The following FBLN1 variants were observed in gnomAD, a reference collection of about 807,000 sequenced individuals.
FBLN1 encodes the protein fibulin-1.
A neutral mutation model predicts 89.7 loss-of-function variants in FBLN1; 34 were observed. The observed-to-expected ratio is 0.38, with a 90% CI of 0.29 to 0.50. The LOEUF is 0.50. Among genes scored for constraint, FBLN1 ranks in the 20% least tolerant of loss-of-function variants. The pLI, the probability that FBLN1 is intolerant of heterozygous loss-of-function variation, is 0.92. For missense variants in FBLN1, 777 were observed against 988.1 expected (o/e 0.79, Z 2.86); for synonymous variants, 393 against 391.3 (o/e 1.00, Z -0.05).
At position 45,590,910 on chromosome 22, in the gene FBLN1, T is replaced by TG. The variant is rs1485498058; in HGVS notation, c.1973-9395dup. On this transcript the variant is annotated intron_variant, in intron 16 of 16. Coordinates refer to ENST00000327858, the MANE Select transcript of FBLN1 (RefSeq NM_006486.3). This position sits in a 1 kb window ranked among gnomAD's most constrained non-coding sequence, Gnocchi z 4.1. The stretch of plus-strand genomic sequence containing the variant: ...ATCTGGGAGGGGCGTCTGGAGAAAT[T>TG]GGAGTGGACTCCGAGTTTGGGTCGG... Among the ~76,000 whole-genome samples, 1 of 152,084 alleles carries TG rather than the reference T, an allele frequency of 6.6e-6. No individual in the cohort carries two copies. The highest frequency in any genetic ancestry group is 1.9e-4 in the East Asian group (1 of 5,148).
rs1199335190 is a variant in FBLN1, at chr22:45,583,740, G to C, written c.1972+6632G>C. Among the ~76,000 whole-genome samples, 1 of 152,132 alleles carries C rather than the reference G, an allele frequency of 6.6e-6. No individual in the cohort carries two copies. Among genetic ancestry groups the C allele is most frequent in the African/African-American group, 2.4e-5 (1 of 41,424 alleles). On this transcript the variant is annotated intron_variant, in intron 16 of 16. Transcript: ENST00000327858. The surrounding 1 kb of genome is among the most constrained non-coding windows in gnomAD (Gnocchi z 4.5). ...GTTACTCACAGGTCCTAGAGAGGTG[G>C]GGAGCACCCCTTGCAGGGCCAATGG...
chr22:45,542,770 C>G (rs1473205085), intron 10 of FBLN1, among the ~76,000 whole-genome samples: 3 of 152,200 alleles, frequency 2.0e-5, no homozygotes. Context: ...ACCACTCCCC[C>G]AAAGTGGGCA....
chr22:45,513,007 T>C (rs930522187), intron 1 of FBLN1, among the ~76,000 whole-genome samples: 2 of 152,230 alleles, frequency 1.3e-5, no homozygotes, highest in Admixed American at 6.5e-5. Context: ...CTGAACATTT[T>C]AAGTCTCATT....
chr22:45,513,493 C>T (rs766144552), intron 1 of FBLN1, among the ~76,000 whole-genome samples: 9 of 151,922 alleles, frequency 5.9e-5, no homozygotes, highest in African/African-American at 1.2e-4. Flanking sequence ...GGATTACAGG[C>T]GTGAGCCACT....
chr22:45,584,160 C>T (rs1302342231), intron 16 of FBLN1, among the ~76,000 whole-genome samples: 1 of 152,160 alleles, frequency 6.6e-6, no homozygotes, highest in Non-Finnish European at 1.5e-5. Flanking sequence ...AACGCACATT[C>T]AGAATGCGTG....
chr22:45,539,555 T>C (rs537451694), intron 8 of FBLN1, among the ~76,000 whole-genome samples: 220 of 152,234 alleles, frequency 1.4e-3, no homozygotes, highest in African/African-American at 5.0e-3. Flanking sequence ...CCACGTGCCC[T>C]GGCTGACCTT....
At position 45,550,397 on chromosome 22, in the gene FBLN1, C is replaced by A; in HGVS notation, c.1574-95C>A. 1 of 1,583,704 alleles carries A rather than the reference C, an allele frequency of 6.3e-7. No homozygotes were observed. The highest frequency in any genetic ancestry group is 1.1e-5 in the South Asian group (1 of 90,130). On this transcript the variant is annotated intron_variant, in intron 13 of 16. Transcript: ENST00000327858. This position sits in a 1 kb window ranked among gnomAD's most constrained non-coding sequence, Gnocchi z 8.4. ...GGGATGGCCTGATCGCCACCCCTAA[C>A]CCTAGTTGATGGGAGGCCTGGGCTC...
At chr22:45,535,380 G>C in intron 8 of FBLN1, 43 bp downstream of exon 8, 1 of 1,612,272 alleles carries the variant, frequency 6.2e-7, no homozygotes, top group Non-Finnish European at 8.5e-7. Flanking sequence ...TTCCAGGAGG[G>C]GCCAGCGACC....
Position 45,575,078 on chromosome 22 carries a change from G to A in FBLN1, c.1840+425G>A, listed in dbSNP as rs1054249059. Among the ~76,000 whole-genome samples, 54 of 152,264 alleles carry A rather than the reference G, an allele frequency of 3.5e-4. No homozygotes were observed. Among genetic ancestry groups the A allele is most frequent in the African/African-American group, 1.3e-3 (52 of 41,542 alleles). The stretch of plus-strand genomic sequence containing the variant: ...ATTACAGGCGTGAGCCACCGCGCCT[G>A]GCAACTTGACATGCAGAACTTTCTT... On this transcript the variant is annotated intron_variant, in intron 15 of 16. Transcript: ENST00000327858. The surrounding 1 kb of genome is among the most constrained non-coding windows in gnomAD (Gnocchi z 6.3).
chr22:45,505,691 A>C (rs181466433), intron 1 of FBLN1, among the ~76,000 whole-genome samples: 307 of 152,364 alleles, frequency 2.0e-3, no homozygotes, highest in African/African-American at 6.8e-3. Flanking sequence ...AAGGGAACAA[A>C]AACCTACTTA....
intron 1 of FBLN1, among the ~76,000 whole-genome samples, chr22:45,504,024 G>C (rs1017954830): frequency 6.6e-6 from 1 of 152,178 alleles, no homozygotes; most frequent in African/African-American, 2.4e-5. Context: ...AGCCAGGCCC[G>C]GCACTCCTGG....
chr22:45,525,469 C>A, intron 2 of FBLN1, 74 bp from the exon 3 acceptor site: 3 of 1,390,646 alleles, frequency 2.2e-6, no homozygotes, highest in Non-Finnish European at 3.0e-6. Flanking sequence ...GTGAGAGCAC[C>A]CCCACCCCCG....
At chr22:45,528,863 C>T (rs1046143869) in intron 4 of FBLN1, among the ~76,000 whole-genome samples, 13 of 152,322 alleles carry the variant, frequency 8.5e-5, no homozygotes, top group East Asian at 1.9e-4. Context: ...CCTGGAGTGA[C>T]GCTGAGTGCT....
At chr22:45,593,943 G>A (rs572666610) in intron 16 of FBLN1, among the ~76,000 whole-genome samples, 3 of 152,364 alleles carry the variant, frequency 2.0e-5, no homozygotes, top group East Asian at 3.9e-4. Context: ...CAAGGAGGCC[G>A]ACTGTGAGCG....
At chr22:45,585,706 G>T (rs1039814439) in intron 16 of FBLN1, among the ~76,000 whole-genome samples, 4 of 152,192 alleles carry the variant, frequency 2.6e-5, no homozygotes, top group African/African-American at 7.2e-5. Context: ...ATCTTGAGCT[G>T]GGGGTGTCAC....
intron 14 of FBLN1, among the ~76,000 whole-genome samples, chr22:45,558,946 TG>T (rs2088821148): frequency 6.6e-6 from 1 of 152,228 alleles, no homozygotes; most frequent in Admixed American, 6.5e-5. Context: ...ATCAGCATAA[TG>T]TCACCAATTT....
chr22:45,529,338 C>A (rs2088372714), intron 4 of FBLN1, among the ~76,000 whole-genome samples: 1 of 152,244 alleles, frequency 6.6e-6, no homozygotes, highest in Non-Finnish European at 1.5e-5. Context: ...AGAGCGCTCT[C>A]AGCTGTGTGC....
At chr22:45,528,103 AC>A in intron 4 of FBLN1, 94 bp downstream of exon 4, 1 of 1,438,162 alleles carries the variant, frequency 7.0e-7, no homozygotes. Flanking sequence ...GATTTTAAGG[AC>A]TTGGCTCATG....
At chr22:45,551,791 C>T (rs1043804470) in intron 14 of FBLN1, among the ~76,000 whole-genome samples, 1 of 152,236 alleles carries the variant, frequency 6.6e-6, no homozygotes, top group African/African-American at 2.4e-5. Flanking sequence ...GCCTTGGCTG[C>T]AGGCTGTGCA....
Sources: gnomAD v4.1 joint callset for allele counts (sites outside exome capture counted in the v4.1 genomes callset) on GRCh38, gnomAD v4.1.1 for gene constraint, Gnocchi (gnomAD v3.1) non-coding constraint, MANE v1.5 for transcripts, NCBI Gene and HGNC (gene_info 2026-07-23, HGNC 2026-07-21) for gene names.